Variants in DHRS2 observed in about 807,000 individuals in gnomAD.
DHRS2 encodes dehydrogenase/reductase SDR family member 2, mitochondrial.
In DHRS2, 29 loss-of-function variants were observed where a neutral mutation model predicts 26.3. The ratio of observed to expected loss-of-function variants is 1.10; its 90% CI spans 0.82 to 1.50. The LOEUF (loss-of-function observed/expected upper bound fraction) is 1.50, where lower values mean the gene tolerates loss of function less well. Ranked by LOEUF, DHRS2 falls within the 40% of genes most tolerant of loss-of-function variation. The pLI, the probability that DHRS2 is intolerant of heterozygous loss-of-function variation, is 0.00. For missense variants in DHRS2, 439 were observed against 367.1 expected (o/e 1.20, Z -1.60); for synonymous variants, 164 against 151.3 (o/e 1.08, Z -0.62).
chr14:23,639,672 C>A (rs1384690762), intron 3 of DHRS2, 122 bp from the exon 4 acceptor site: 1 of 1,133,396 alleles, frequency 8.8e-7, no homozygotes, highest in African/African-American at 1.6e-5. Flanking sequence ...CCTTGGGACA[C>A]CTAGGTCATT....
chr14:23,645,077 C>T lies in DHRS2; in HGVS notation c.732-65C>T, dbSNP rs906500625. 3.0e-4 allele frequency: 474 copies of T among 1,605,968 alleles called. 14 individuals are homozygous for T. Among genetic ancestry groups the T allele is most frequent in the South Asian group, 2.5e-3 (223 of 90,308 alleles). ...ATGGAGCCCACTCCCACCTGTCATC[C>T]GTGAGCCCCAGAGCAGCAGAATCAG... On this transcript the variant is annotated intron_variant, in intron 8 of 8. Transcript: ENST00000250383.
chr14:23,643,347 T>A (rs976907690), intron 5 of DHRS2, 128 bp downstream of exon 5: 12 of 819,350 alleles, frequency 1.5e-5, no homozygotes, highest in Non-Finnish European at 2.4e-5. Context: ...ATCCCTCATC[T>A]TCTTGTCCTG....
rs140544180 is a variant in DHRS2 at position 23,638,363 on chromosome 14, C to T, written c.-38-464C>T. 4.0e-3 allele frequency: 729 copies of T among 182,564 alleles called. 7 individuals carry two copies. Among genetic ancestry groups the T allele is most frequent in the African/African-American group, 0.015 (617 of 41,940 alleles). 11.3% of individuals were successfully genotyped at this position (182,564 alleles called of 1,614,324 possible). A position where few individuals can be genotyped will look rare whatever the true frequency, so the allele number is the denominator to read the frequency against. On this transcript the variant is annotated intron_variant, in intron 1 of 8. Transcript: ENST00000250383. ...GGGTCCGTGGCTTCATTCTTGAAGT[C>T]AGCGAGACCAAGAACCCACCAATTC...
Position 23,639,003 on chromosome 14 carries a change from G to A in DHRS2, c.139G>A (p.Gly47Arg), listed in dbSNP as rs570863916. The A allele has an allele frequency of 1.9e-6, 3 of 1,612,798 alleles. No homozygotes were observed. The highest frequency in any genetic ancestry group is 3.3e-5 in the Admixed American group (2 of 60,008). ...RVAVVTGSTS[G>R]IGFAIARRLA... Reference sequence around the variant, plus strand: ...AGCCGTGGTCACGGGGTCCACCAGTGGGTGAGTGCTGGATTGCCCATGGGT... The same window carrying A: ...AGCCGTGGTCACGGGGTCCACCAGTAGGTGAGTGCTGGATTGCCCATGGGT... The change falls in exon 2 of 9, where the codon GGG becomes AGG. Residue 47 changes from glycine (G) to arginine (R), a missense_variant and splice_region_variant. Gly to Arg is a moderately radical substitution (Grantham distance 125). Coordinates refer to ENST00000250383, the MANE Select transcript of DHRS2 (RefSeq NM_005794.4).
intron 5 of DHRS2, chr14:23,643,570 C>G (rs1243002363): frequency 3.3e-6 from 1 of 302,592 alleles, no homozygotes; most frequent in East Asian, 7.7e-5. Flanking sequence ...TAGCCCCATT[C>G]CTCTCCATAG....
chr14:23,636,908 C>T (rs1251430882), intron 1 of DHRS2, 136 bp downstream of exon 1: 4 of 152,208 alleles, frequency 2.6e-5, no homozygotes, highest in African/African-American at 9.6e-5. Flanking sequence ...GGGTGTCAGG[C>T]TTTCTGGGAA....
intron 1 of DHRS2, among the ~76,000 whole-genome samples, chr14:23,637,708 G>A (rs1890393890): frequency 6.6e-6 from 1 of 152,186 alleles, no homozygotes; most frequent in South Asian, 2.1e-4. Flanking sequence ...CAAGGGTGCA[G>A]CACTCTATGT....
chr14:23,638,724 A>G, intron 1 of DHRS2, 103 bp from the exon 2 acceptor site: 2 of 1,261,214 alleles, frequency 1.6e-6, no homozygotes, highest in Non-Finnish European at 2.2e-6. Flanking sequence ...ACTCTCTGCC[A>G]CTTTCTGTTG....
upstream of DHRS2, chr14:23,636,238 C>T (rs1890274124): frequency 6.6e-6 from 1 of 152,156 alleles, no homozygotes; most frequent in African/African-American, 2.4e-5. Flanking sequence ...CCAATCAGCT[C>T]TCTGTAAAAC....
upstream of DHRS2, among the ~76,000 whole-genome samples, chr14:23,633,155 A>G (rs765151192): frequency 2.0e-4 from 30 of 152,184 alleles, no homozygotes; most frequent in Admixed American, 1.2e-3. Flanking sequence ...ATATCTTCAT[A>G]CCTGAGTCTC....
At position 23,638,901 on chromosome 14, in the gene DHRS2, T is replaced by C. The variant is rs545494016; in HGVS notation, c.37T>C (p.Phe13Leu). Residue 13 changes from phenylalanine (F) to leucine (L), a missense_variant, in exon 2 of 9, where the codon TTT (phenylalanine) becomes CTT (leucine). Physicochemically the swap from Phe to Leu is conservative, Grantham distance 22 (BLOSUM62 0). Coordinates refer to ENST00000250383, the MANE Select transcript of DHRS2 (RefSeq NM_005794.4). ...AGTTGCCCGGGGCTACCAGGGCTGG[T>C]TTCATCCCTGTGCTAGGCTTTCTGT... ...SAVARGYQGW[F>L]HPCARLSVRM... 1.2e-6 allele frequency: 2 copies of C among 1,614,196 alleles called. No individual in the cohort carries two copies. The highest frequency in any genetic ancestry group is 1.1e-5 in the South Asian group (1 of 91,076).
At position 23,644,816 on chromosome 14, in the gene DHRS2, C is replaced by T. The variant is rs371797229; in HGVS notation, c.676-11C>T. The T allele has an allele frequency of 1.4e-5, 23 of 1,614,020 alleles. No individual in the cohort carries two copies. Among genetic ancestry groups the T allele is most frequent in the Non-Finnish European group, 1.9e-5 (22 of 1,179,980 alleles). ...GTAGCACTGACTCCTTCATTTCTTC[C>T]CTTTGCCCAGTTTCATGGGAATGAG... is the stretch of plus-strand genomic sequence containing the variant. On this transcript the variant is annotated splice_polypyrimidine_tract_variant and intron_variant, in intron 7 of 8. Transcript: ENST00000250383.
chr14:23,634,085 T>TG (rs1555366002), upstream of DHRS2, among the ~76,000 whole-genome samples: 2 of 146,234 alleles, frequency 1.4e-5, no homozygotes, highest in Non-Finnish European at 3.0e-5. Flanking sequence ...TTTTTTTTTT[T>TG]GAGACGGAGT....
chr14:23,642,885 G>A (rs765021744), intron 4 of DHRS2: 2 of 345,104 alleles, frequency 5.8e-6, no homozygotes, highest in Non-Finnish European at 5.4e-6. Context: ...TCTTTAAAAG[G>A]CCTGAACATT....
At chr14:23,637,589 C>G (rs1329713219) in intron 1 of DHRS2, among the ~76,000 whole-genome samples, 1 of 151,960 alleles carries the variant, frequency 6.6e-6, no homozygotes, top group Non-Finnish European at 1.5e-5. Flanking sequence ...GGTAAGTTCC[C>G]AATACTAACA....
intron 5 of DHRS2, chr14:23,643,782 T>C (rs909033903): frequency 1.7e-4 from 68 of 395,570 alleles, no homozygotes; most frequent in Non-Finnish European, 3.8e-5. Context: ...AGGTTGCTCA[T>C]TGATAGGCAC....
chr14:23,645,565 G>A lies in DHRS2; in HGVS notation c.*312G>A, dbSNP rs1890845163. The A allele has an allele frequency of 2.3e-6, 1 of 434,112 alleles. No individual in the cohort carries two copies. Among genetic ancestry groups the A allele is most frequent in the South Asian group, 4.4e-5 (1 of 22,814 alleles). 26.9% of individuals were successfully genotyped at this position (434,112 alleles called of 1,614,324 possible). ...GGAGTAGAAGCTCAGGCCTTTGAAG[G>A]ATTTCAGCTCCTCCTCTCTGTAATT... On this transcript the variant is annotated 3_prime_UTR_variant, in exon 9 of 9. Coordinates refer to ENST00000250383, the MANE Select transcript of DHRS2 (RefSeq NM_005794.4).
At chr14:23,640,613 A>G in intron 4 of DHRS2, 1 of 211,598 alleles carries the variant, frequency 4.7e-6, no homozygotes, top group Non-Finnish European at 8.2e-6. Flanking sequence ...TCTTTCTGCT[A>G]TTGTGAGCAT....
intron 1 of DHRS2, among the ~76,000 whole-genome samples, chr14:23,637,055 A>G (rs550080681): frequency 6.6e-6 from 1 of 152,290 alleles, no homozygotes; most frequent in African/African-American, 2.4e-5. Context: ...GAGTCCCCAC[A>G]ACAAGTTGGT....
Sources: allele counts gnomAD v4.1 joint callset (sites outside exome capture counted in the v4.1 genomes callset), GRCh38; gene constraint gnomAD v4.1.1; transcripts MANE v1.5; gene names NCBI Gene and HGNC (gene_info 2026-07-23, HGNC 2026-07-21).